Variants in COG4 observed in about 807,000 individuals in gnomAD.
The protein encoded by COG4 is component of oligomeric golgi complex 4, also known as conserved oligomeric Golgi complex subunit 4.
COG4 carries 65 observed loss-of-function variants against 95.1 expected under a neutral mutation model. The ratio of observed to expected loss-of-function variants is 0.68; its 90% confidence interval spans 0.56 to 0.84. The LOEUF (loss-of-function observed/expected upper bound fraction) is 0.84, where lower values mean the gene tolerates loss of function less well. COG4 is among the 40% of genes least tolerant of loss of function. The pLI, the probability that COG4 is intolerant of heterozygous loss-of-function variation, is 0.00. For synonymous variants in COG4, 421 were observed against 374.8 expected, an observed-to-expected ratio of 1.12 and a Z score of -1.42; for missense variants, 1,045 against 989.1, an observed-to-expected ratio of 1.06 and a Z score of -0.76.
chr16:70,497,813 T>G, intron 10 of COG4, 124 bp downstream of exon 10: 1 of 779,262 alleles, frequency 1.3e-6, no homozygotes, highest in Non-Finnish European at 2.4e-6. Context: ...GTGGTACCAC[T>G]CAATCTGCAT....
chr16:70,502,091 G>A (rs1465639500), intron 8 of COG4, among the ~76,000 whole-genome samples: 3 of 149,666 alleles, frequency 2.0e-5, no homozygotes, highest in African/African-American at 2.5e-5. Context: ...AGACCATCCC[G>A]GCCAACATGG....
rs558872593 is a variant in COG4, at chr16:70,514,385, T to C, written c.494A>G (p.Tyr165Cys). The C allele has an allele frequency of 3.0e-5, 48 of 1,614,130 alleles. No homozygotes were observed. The East Asian group carries it at 9.8e-4, about 33-fold the overall frequency. Residue 165 changes from tyrosine (Y) to cysteine (C), a missense_variant, in exon 4 of 19, where the codon TAC becomes TGC. Tyr to Cys is a radical substitution (Grantham distance 194, BLOSUM62 -2). Transcript: ENST00000323786. ...AATGACCGACTTGTCCAGGCACAAGTAGCGATGAGTATGTGCTGCAGCCTG... is the reference window on the plus strand; with the variant it reads ...AATGACCGACTTGTCCAGGCACAAGCAGCGATGAGTATGTGCTGCAGCCTG... ...YEQAAAHTHR[Y>C]LCLDKSVIEL...
At chr16:70,482,595 T>TG in intron 15 of COG4, 134 bp downstream of exon 15, 1 of 748,526 alleles carries the variant, frequency 1.3e-6, no homozygotes, top group Middle Eastern at 2.5e-4. Context: ...AACCTAGTCT[T>TG]CATGGGTCAG....
At chr16:70,503,043 C>A (rs1051506477) in intron 8 of COG4, among the ~76,000 whole-genome samples, 1 of 152,030 alleles carries the variant, frequency 6.6e-6, no homozygotes, top group Non-Finnish European at 1.5e-5. Flanking sequence ...TCCAAGAGGT[C>A]TTTTCTTTCT....
At chr16:70,494,146 C>G (rs570650938) in intron 12 of COG4, among the ~76,000 whole-genome samples, 45 of 152,250 alleles carry the variant, frequency 3.0e-4, no homozygotes, top group African/African-American at 9.9e-4. Flanking sequence ...CAACATGAGG[C>G]CTCTAATGTC....
chr16:70,480,811 T>TC lies in COG4; in HGVS notation c.*198_*199insG. On this transcript the variant is annotated 3_prime_UTR_variant, in exon 19 of 19. Transcript: ENST00000323786. ...CCCGCTTCTCTCGGTGGGGAGATGCTGCCCCCAGAGCATCACCTGGCCAGG... is the reference window on the plus strand; with the variant it reads ...CCCGCTTCTCTCGGTGGGGAGATGCTCGCCCCCAGAGCATCACCTGGCCAGG... The TC allele has an allele frequency of 5.0e-5, 31 of 625,964 alleles. No homozygotes were observed. The highest frequency in any genetic ancestry group is 1.5e-4 in the Admixed American group (5 of 34,184). 38.8% of individuals were successfully genotyped at this position (625,964 alleles called of 1,614,324 possible).
rs387907202 is a variant in COG4, at chr16:70,512,280, C to T, written c.697G>A (p.Glu233Lys). ...TCCGAGAACTTTCTTAATCCCTCCT[C>T]ATGCAAACCCAGCAGTGGGAAGATC... Reference protein sequence around the residue: ...FKIFPLLGLHEEGLRKFSEYL... With the variant: ...FKIFPLLGLHKEGLRKFSEYL... The change falls in exon 5 of 19, where the codon GAG (glutamate) becomes AAG (lysine). Residue 233 changes from glutamate (E) to lysine (K), a missense_variant. By Grantham distance (56) the Glu-to-Lys change is moderately conservative. Coordinates refer to ENST00000323786, the MANE Select transcript of COG4 (RefSeq NM_015386.3). 6.2e-7 allele frequency: 1 copy of T among 1,614,200 alleles called. No homozygotes were observed. Among genetic ancestry groups the T allele is most frequent in the East Asian group, 2.2e-5 (1 of 44,878 alleles).
At chr16:70,515,867 C>T in intron 3 of COG4, 1 of 383,578 alleles carries the variant, frequency 2.6e-6, no homozygotes, top group Admixed American at 3.5e-5. Context: ...CAGGGTCTTA[C>T]TGTGTTCCAA....
intron 8 of COG4, among the ~76,000 whole-genome samples, chr16:70,505,867 G>A (rs1381621220): frequency 6.6e-6 from 1 of 152,030 alleles, no homozygotes; most frequent in African/African-American, 2.4e-5. Flanking sequence ...AAGTTTGGCT[G>A]GATACAGGGG....
chr16:70,498,489 C>T lies in COG4; in HGVS notation c.1196-434G>A, dbSNP rs181478858. 9.2e-3 allele frequency among the ~76,000 whole-genome samples: 1,403 copies of T among 152,102 alleles called. 13 individuals are homozygous for T. Among genetic ancestry groups the T allele is most frequent in the Non-Finnish European group, 0.013 (904 of 67,976 alleles). ...GATTACAGGCATGCACCACCACGCCCGGCAAATTTTGTATTTTTAGTAGAG... is the reference window on the plus strand; with the variant it reads ...GATTACAGGCATGCACCACCACGCCTGGCAAATTTTGTATTTTTAGTAGAG... On this transcript the variant is annotated intron_variant, in intron 9 of 18. Coordinates refer to ENST00000323786, the MANE Select transcript of COG4 (RefSeq NM_015386.3).
In COG4 at chr16:70,481,117, G is replaced by A. The variant is rs1307579076; in HGVS notation, c.2263C>T (p.Pro755Ser). The A allele has an allele frequency of 6.2e-7, 1 of 1,613,560 alleles. No homozygotes were observed. ...RVTEILDYWG[P>S]NSGPLTWRLT... ...CGCCACGTCAATGGGCCGGAATTGG[G>A]TCCCCAGTAATCGAGGATCTCGGTC... Residue 755 changes from proline (P) to serine (S), a missense_variant, in exon 19 of 19, where the codon CCC becomes TCC. By Grantham distance (74) the Pro-to-Ser change is moderately conservative. Transcript: ENST00000323786.
At chr16:70,514,203 T>C in intron 4 of COG4, 132 bp downstream of exon 4, 1 of 917,616 alleles carries the variant, frequency 1.1e-6, no homozygotes, top group Non-Finnish European at 1.7e-6. Flanking sequence ...CAAGACTCCG[T>C]CTCAAAAAAA....
chr16:70,522,574 C>G (rs967585986), intron 1 of COG4, among the ~76,000 whole-genome samples: 1 of 152,216 alleles, frequency 6.6e-6, no homozygotes, highest in African/African-American at 2.4e-5. Flanking sequence ...TCACCTCTCC[C>G]TCAGGCTGAA....
Position 70,499,965 on chromosome 16 carries a change from A to T in COG4, c.1195+993T>A, listed in dbSNP as rs552324244. Among the ~76,000 whole-genome samples, 66 of 151,628 alleles carry T rather than the reference A, an allele frequency of 4.4e-4. 1 individual carries two copies. Among genetic ancestry groups the T allele is most frequent in the Middle Eastern group, 3.4e-3 (1 of 294 alleles). Reference sequence around the variant, plus strand: ...GTGAGCCACCGCGCCCGACCTAAAAATTTTTTTAAATGTTTATCTTTTATT... The same window carrying T: ...GTGAGCCACCGCGCCCGACCTAAAATTTTTTTTAAATGTTTATCTTTTATT... On this transcript the variant is annotated intron_variant, in intron 9 of 18. Coordinates refer to ENST00000323786, the MANE Select transcript of COG4 (RefSeq NM_015386.3).
chr16:70,500,924 C>T (rs752030815), intron 9 of COG4, 34 bp downstream of exon 9: 23 of 1,613,490 alleles, frequency 1.4e-5, no homozygotes, highest in Non-Finnish European at 1.9e-5. Flanking sequence ...AATTATACCT[C>T]AACCCTCCCC....
intron 16 of COG4, 91 bp downstream of exon 16, chr16:70,482,001 T>C (rs2049007102): frequency 7.3e-7 from 1 of 1,361,062 alleles, no homozygotes; most frequent in Non-Finnish European, 1.1e-6. Context: ...GCTTTCAGGG[T>C]CCCCAGAAGG....
chr16:70,517,491 G>C (rs1214089795), intron 3 of COG4, 135 bp downstream of exon 3: 1 of 648,250 alleles, frequency 1.5e-6, no homozygotes, highest in African/African-American at 1.8e-5. Context: ...AGGAGGCTGA[G>C]GTGGGAGAAT....
At chr16:70,522,058 C>T (rs1366306159) in intron 1 of COG4, among the ~76,000 whole-genome samples, 2 of 133,424 alleles carry the variant, frequency 1.5e-5, no homozygotes, top group Non-Finnish European at 3.2e-5. Context: ...AGTGTAATGG[C>T]GCTATCTTGG....
chr16:70,491,110 G>A (rs2049234800), intron 12 of COG4, among the ~76,000 whole-genome samples: 1 of 152,164 alleles, frequency 6.6e-6, no homozygotes, highest in African/African-American at 2.4e-5. Context: ...CAGAGAGCCT[G>A]CCACCTATGA....
Sources: allele counts gnomAD v4.1 joint callset (sites outside exome capture counted in the v4.1 genomes callset), GRCh38; gene constraint gnomAD v4.1.1; transcripts MANE v1.5; gene names NCBI Gene and HGNC (gene_info 2026-07-23, HGNC 2026-07-21).